The following PTPRT variants were observed in gnomAD, a reference collection of about 807,000 sequenced individuals.
PTPRT encodes receptor-type tyrosine-protein phosphatase T.
A neutral mutation model predicts 176.8 loss-of-function variants in PTPRT; 56 were observed. The ratio of observed to expected loss-of-function variants is 0.32; its 90% CI spans 0.26 to 0.40. The LOEUF is 0.40. Among genes scored for constraint, PTPRT ranks in the 10% least tolerant of loss-of-function variants. The pLI is 1.00. For missense variants in PTPRT, 1,540 were observed against 1,908.2 expected, an observed-to-expected ratio of 0.81 and a Z score of 3.60; for synonymous variants, 783 against 739.0, an observed-to-expected ratio of 1.06 and a Z score of -0.96.
At chr20:42,852,065 A>T (rs1349293466) in intron 2 of PTPRT, among the ~76,000 whole-genome samples, 1 of 152,232 alleles carries the variant, frequency 6.6e-6, no homozygotes, top group Non-Finnish European at 1.5e-5. Context: ...TGCTTATAGT[A>T]TTAAGTTATT....
chr20:42,643,191 A>G (rs555272775), intron 7 of PTPRT, among the ~76,000 whole-genome samples: 55 of 152,300 alleles, frequency 3.6e-4, no homozygotes, highest in African/African-American at 1.3e-3. Context: ...TACTTCACAC[A>G]TACTATTTTC....
In PTPRT at chr20:42,472,538, AC is replaced by A; in HGVS notation, c.1177del (p.Val393TrpfsTer4). The A allele has an allele frequency of 6.2e-7, 1 of 1,614,058 alleles. No homozygotes were observed. Among genetic ancestry groups the A allele is most frequent in the South Asian group, 1.1e-5 (1 of 91,072 alleles). Reference sequence around the variant, plus strand: ...CCGGGCTCTGATGTCTACGATTTCCACGTTCTGTGGGCCATGTACCGGATCT... The same window carrying A: ...CCGGGCTCTGATGTCTACGATTTCCAGTTCTGTGGGCCATGTACCGGATCT... ...CADPVHGPQN[V>X]EIVDIRARQL... On this transcript the variant is annotated frameshift_variant, in exon 8 of 31. Coordinates refer to ENST00000373187, the MANE Select transcript of PTPRT (RefSeq NM_007050.6). LOFTEE classifies it high-confidence loss of function.
At chr20:42,215,574 T>A (rs1182994719) in intron 15 of PTPRT, among the ~76,000 whole-genome samples, 2 of 152,182 alleles carry the variant, frequency 1.3e-5, no homozygotes. Context: ...AGGTGACTAA[T>A]CTTTCCTCCC....
chr20:42,087,659 A>G (rs1307549401), intron 27 of PTPRT, among the ~76,000 whole-genome samples: 1 of 150,852 alleles, frequency 6.6e-6, no homozygotes, highest in East Asian at 2.0e-4. Flanking sequence ...GTGGATCGTG[A>G]GGTCAGGAGT....
rs1195799154 is a variant in PTPRT at position 42,618,274 on chromosome 20, G to A, written c.1153+59592C>T. Among the ~76,000 whole-genome samples, 2 of 130,540 alleles carry A rather than the reference G, an allele frequency of 1.5e-5. 1 individual carries two copies. Among genetic ancestry groups the A allele is most frequent in the African/African-American group, 6.9e-5 (2 of 28,778 alleles). 85.6% of individuals were successfully genotyped at this position (130,540 alleles called of 152,430 possible). On this transcript the variant is annotated intron_variant, in intron 7 of 30. Transcript: ENST00000373187. ...CTTTGAGTGAGATTCTTAATCCTGA[G>A]TTCTAGTTTGATTGCACTGTGGTCT...
At chr20:42,514,792 T>C (rs1401712392) in intron 7 of PTPRT, among the ~76,000 whole-genome samples, 1 of 152,202 alleles carries the variant, frequency 6.6e-6, no homozygotes, top group Non-Finnish European at 1.5e-5. Flanking sequence ...AAGTGGAAAA[T>C]CAATTATTCT....
intron 1 of PTPRT, among the ~76,000 whole-genome samples, chr20:43,103,320 GC>G (rs751561147): frequency 1.3e-5 from 2 of 152,138 alleles, no homozygotes; most frequent in Non-Finnish European, 2.9e-5. Context: ...CAGACAACTG[GC>G]CCTGTGAGGT....
intron 27 of PTPRT, among the ~76,000 whole-genome samples, chr20:42,096,094 G>C (rs1251224349): frequency 6.6e-6 from 1 of 152,024 alleles, no homozygotes; most frequent in African/African-American, 2.4e-5. Flanking sequence ...CTTAAGTCTG[G>C]AAATGTTTTC....
chr20:42,859,485 T>A (rs1487141984), intron 2 of PTPRT, among the ~76,000 whole-genome samples: 1 of 152,222 alleles, frequency 6.6e-6, no homozygotes, highest in Non-Finnish European at 1.5e-5. Flanking sequence ...TTATTTTTCC[T>A]TTTACTGATT....
At chr20:42,211,908 C>T (rs1238687195) in intron 15 of PTPRT, among the ~76,000 whole-genome samples, 2 of 151,178 alleles carry the variant, frequency 1.3e-5, no homozygotes, top group Non-Finnish European at 2.9e-5. Context: ...AAATGTCCAA[C>T]AATGATAGAC....
intron 6 of PTPRT, among the ~76,000 whole-genome samples, chr20:42,735,884 C>T (rs892054614): frequency 6.6e-6 from 1 of 152,176 alleles, no homozygotes. Context: ...CTCTAGTTGT[C>T]TGTCCTTAAC....
intron 1 of PTPRT, among the ~76,000 whole-genome samples, chr20:43,143,650 G>A (rs1465492790): frequency 6.6e-6 from 1 of 152,206 alleles, no homozygotes; most frequent in African/African-American, 2.4e-5. Flanking sequence ...TTAAGGTTGA[G>A]ATAGAGATCT....
intron 1 of PTPRT, among the ~76,000 whole-genome samples, chr20:42,900,257 G>A (rs1290250545): frequency 6.6e-6 from 1 of 151,624 alleles, no homozygotes; most frequent in African/African-American, 2.4e-5. Flanking sequence ...TATTCACAGA[G>A]CCAGGGGGCT....
At chr20:42,725,678 C>T (rs58401694) in intron 6 of PTPRT, among the ~76,000 whole-genome samples, 2,793 of 151,992 alleles carry the variant, frequency 0.018, 103 homozygotes, top group African/African-American at 0.065. Context: ...CAGATGCTGG[C>T]GAGGTTGCGC....
At chr20:42,591,371 A>C (rs2073571564) in intron 7 of PTPRT, among the ~76,000 whole-genome samples, 1 of 152,202 alleles carries the variant, frequency 6.6e-6, no homozygotes, top group Non-Finnish European at 1.5e-5. Context: ...TAGCAATCCT[A>C]AGATATCTAT....
chr20:43,107,855 AT>A (rs1202654045), intron 1 of PTPRT, among the ~76,000 whole-genome samples: 3 of 152,202 alleles, frequency 2.0e-5, no homozygotes, highest in African/African-American at 7.2e-5. Context: ...CATGCTTAAT[AT>A]TTGCTTAGGT....
chr20:42,757,208 C>T (rs988145146), intron 5 of PTPRT, among the ~76,000 whole-genome samples: 1 of 152,196 alleles, frequency 6.6e-6, no homozygotes, highest in African/African-American at 2.4e-5. Context: ...CACTTTGGCT[C>T]AGCCTGCATT....
intron 7 of PTPRT, among the ~76,000 whole-genome samples, chr20:42,556,498 A>G (rs2207888): frequency 0.3 from 46,025 of 151,980 alleles, 7,344 homozygotes; most frequent in East Asian, 0.55. Context: ...ATATCACTGC[A>G]TCACTTGAAT....
At chr20:42,584,391 C>T (rs775969897) in intron 7 of PTPRT, among the ~76,000 whole-genome samples, 11 of 152,132 alleles carry the variant, frequency 7.2e-5, no homozygotes, top group Non-Finnish European at 1.5e-4. Flanking sequence ...CATGGTCCTC[C>T]CACCTCACGG....
Sources: allele counts gnomAD v4.1 joint callset (sites outside exome capture counted in the v4.1 genomes callset), GRCh38; gene constraint gnomAD v4.1.1; transcripts MANE v1.5; gene names NCBI Gene and HGNC (gene_info 2026-07-23, HGNC 2026-07-21).